The following PDE8A variants were observed in gnomAD, a reference collection of about 807,000 sequenced individuals.
PDE8A encodes the protein phosphodiesterase 8A.
In PDE8A, 59 loss-of-function variants were observed where a neutral mutation model predicts 105.0. The ratio of observed to expected loss-of-function variants is 0.56; its 90% CI spans 0.46 to 0.70. The LOEUF (loss-of-function observed/expected upper bound fraction) is 0.70, where lower values mean the gene tolerates loss of function less well. PDE8A is among the 30% of genes least tolerant of loss of function. PDE8A has a pLI of 0.00. For synonymous variants in PDE8A, 355 were observed against 371.9 expected, an observed-to-expected ratio of 0.95 and a Z score of 0.52; for missense variants, 1,014 against 1,045.9, an observed-to-expected ratio of 0.97 and a Z score of 0.42.
intron 1 of PDE8A, among the ~76,000 whole-genome samples, chr15:84,984,215 A>G (rs1178472221): frequency 6.6e-6 from 1 of 152,252 alleles, no homozygotes; most frequent in Non-Finnish European, 1.5e-5. Context: ...CCACAACCAC[A>G]GAAATAATAG....
Position 85,076,801 on chromosome 15 carries a change from T to TA in PDE8A, c.546+15dup. 1 of 1,441,014 alleles carries TA rather than the reference T, an allele frequency of 6.9e-7. No individual in the cohort carries two copies. Among genetic ancestry groups the TA allele is most frequent in the Non-Finnish European group, 9.8e-7 (1 of 1,022,126 alleles). 89.3% of individuals were successfully genotyped at this position (1,441,014 alleles called of 1,614,324 possible). ...GGATTTACAAGGGTATGTACTCACT[T>TA]ATTTGTTATACAAGTATAATTCAAT... On this transcript the variant is annotated intron_variant, in intron 5 of 21. Transcript: ENST00000394553.
At chr15:85,135,191 T>A (rs1301929599) in intron 20 of PDE8A, among the ~76,000 whole-genome samples, 2 of 152,166 alleles carry the variant, frequency 1.3e-5, no homozygotes, top group Non-Finnish European at 2.9e-5. Flanking sequence ...GGGTGAGCTC[T>A]GCTGGCCATT....
intron 1 of PDE8A, among the ~76,000 whole-genome samples, chr15:85,007,405 CAG>C (rs1374704955): frequency 6.7e-6 from 1 of 150,260 alleles, no homozygotes; most frequent in Admixed American, 6.7e-5. Flanking sequence ...GGAGGGGACA[CAG>C]GGCGGCTTCT....
chr15:85,113,374 C>T lies in PDE8A; in HGVS notation c.1115-3C>T. Reference sequence around the variant, plus strand: ...CCTGATTTGTGCATCCCTTTCTCCACAGTTTCCAGCCAGAGACGACACTCT... The same window carrying T: ...CCTGATTTGTGCATCCCTTTCTCCATAGTTTCCAGCCAGAGACGACACTCT... On this transcript the variant is annotated splice_region_variant and splice_polypyrimidine_tract_variant and intron_variant, in intron 12 of 21. Transcript: ENST00000394553. The T allele has an allele frequency of 6.2e-7, 1 of 1,613,828 alleles. No individual in the cohort carries two copies. Among genetic ancestry groups the T allele is most frequent in the Non-Finnish European group, 8.5e-7 (1 of 1,179,712 alleles).
chr15:85,129,705 T>A (rs1277369648), intron 20 of PDE8A, among the ~76,000 whole-genome samples: 3 of 152,212 alleles, frequency 2.0e-5, no homozygotes, highest in Non-Finnish European at 2.9e-5. Context: ...ACCTCTGTTC[T>A]TTATTATTTC....
intron 1 of PDE8A, among the ~76,000 whole-genome samples, chr15:85,026,505 T>C (rs2080519287): frequency 6.6e-6 from 1 of 152,162 alleles, no homozygotes; most frequent in Non-Finnish European, 1.5e-5. Context: ...TTTGATAACC[T>C]TGCCTCTGAA....
At chr15:85,007,487 ATC>A (rs1259121918) in intron 1 of PDE8A, among the ~76,000 whole-genome samples, 1 of 151,326 alleles carries the variant, frequency 6.6e-6, no homozygotes, top group Non-Finnish European at 1.5e-5. Flanking sequence ...GCAAAAATAA[ATC>A]TATTAGTACA....
chr15:85,077,016 A>G (rs943032078), intron 5 of PDE8A, among the ~76,000 whole-genome samples: 2 of 152,142 alleles, frequency 1.3e-5, no homozygotes, highest in African/African-American at 4.8e-5. Context: ...ACCTGCCTCA[A>G]TCGTACTTAA....
chr15:85,045,156 G>C (rs1374068832), intron 1 of PDE8A, among the ~76,000 whole-genome samples: 1 of 152,160 alleles, frequency 6.6e-6, no homozygotes, highest in African/African-American at 2.4e-5. Flanking sequence ...TGCTGCCTCA[G>C]AGGGGCCTTC....
At chr15:84,999,901 C>G (rs530140939) in intron 1 of PDE8A, among the ~76,000 whole-genome samples, 8 of 152,318 alleles carry the variant, frequency 5.3e-5, no homozygotes, top group African/African-American at 1.7e-4. Context: ...GATAAGCTCA[C>G]AAGACCACAG....
intron 1 of PDE8A, among the ~76,000 whole-genome samples, chr15:85,043,278 C>T (rs2080838067): frequency 6.6e-6 from 1 of 152,204 alleles, no homozygotes; most frequent in South Asian, 2.1e-4. Context: ...GCACTGAGTT[C>T]TCAACCTTTG....
intron 1 of PDE8A, among the ~76,000 whole-genome samples, chr15:85,009,569 A>C (rs906468819): frequency 6.6e-6 from 1 of 152,160 alleles, no homozygotes; most frequent in African/African-American, 2.4e-5. Context: ...TGGCCATTGT[A>C]TTTTTCCTGG....
Position 85,057,469 on chromosome 15 carries a change from C to T in PDE8A, c.187-6901C>T, listed in dbSNP as rs141981496. Among the ~76,000 whole-genome samples, 50 of 152,262 alleles carry T rather than the reference C, an allele frequency of 3.3e-4. No homozygotes were observed. In the East Asian group the frequency reaches 8.5e-3, roughly 26 times the overall value. On this transcript the variant is annotated intron_variant, in intron 1 of 21. Transcript: ENST00000394553. ...GTGGTGGGCTCCACCCAGGAATTCCCTGACCCCTTGTGCTTCCCGGGTGAG... is the reference window on the plus strand; with the variant it reads ...GTGGTGGGCTCCACCCAGGAATTCCTTGACCCCTTGTGCTTCCCGGGTGAG...
At chr15:85,130,756 A>G (rs2082319432) in intron 20 of PDE8A, among the ~76,000 whole-genome samples, 1 of 152,142 alleles carries the variant, frequency 6.6e-6, no homozygotes, top group Non-Finnish European at 1.5e-5. Context: ...TATGCTTATA[A>G]TCATTATATC....
At chr15:85,038,792 A>G (rs2141389310) in intron 1 of PDE8A, among the ~76,000 whole-genome samples, 1 of 152,288 alleles carries the variant, frequency 6.6e-6, no homozygotes, top group Middle Eastern at 3.4e-3. Context: ...AATGAAATAT[A>G]TCACCTCATA....
At chr15:85,040,973 T>G (rs2080797799) in intron 1 of PDE8A, among the ~76,000 whole-genome samples, 1 of 152,176 alleles carries the variant, frequency 6.6e-6, no homozygotes, top group African/African-American at 2.4e-5. Context: ...CCTAGTTAGA[T>G]ATACTGAGAA....
chr15:85,039,922 C>G (rs951435747), intron 1 of PDE8A, among the ~76,000 whole-genome samples: 1 of 151,968 alleles, frequency 6.6e-6, no homozygotes. Context: ...TGATAATTAC[C>G]AGAGGCTGGA....
chr15:85,015,436 G>A (rs1388950118), intron 1 of PDE8A, among the ~76,000 whole-genome samples: 1 of 152,016 alleles, frequency 6.6e-6, no homozygotes, highest in Non-Finnish European at 1.5e-5. Flanking sequence ...CAAAACTACT[G>A]GGCTCAAGCA....
Position 85,066,161 on chromosome 15 carries a change from T to C in PDE8A, c.244-853T>C, listed in dbSNP as rs547115658. On this transcript the variant is annotated intron_variant, in intron 2 of 21. Transcript: ENST00000394553. ...CATCTGAGAACTTACCCAGTTAACT[T>C]TCTTTCAGCTAAAATAAATATTAAT... 3.3e-5 allele frequency among the ~76,000 whole-genome samples: 5 copies of C among 152,340 alleles called. No homozygotes were observed. In the East Asian group the frequency reaches 9.6e-4, roughly 29 times the overall value.
Sources: gnomAD v4.1 joint callset for allele counts (sites outside exome capture counted in the v4.1 genomes callset) on GRCh38, gnomAD v4.1.1 for gene constraint, MANE v1.5 for transcripts, NCBI Gene and HGNC (gene_info 2026-07-23, HGNC 2026-07-21) for gene names.